Variants in LRIG1 observed in about 807,000 individuals in gnomAD.
LRIG1 encodes leucine rich repeats and immunoglobulin like domains 1, also known as leucine-rich repeats and immunoglobulin-like domains protein 1.
LRIG1 carries 48 observed loss-of-function variants against 99.2 expected under a neutral mutation model. That is an observed-to-expected ratio of 0.48 (90% CI 0.38 to 0.62). The LOEUF (loss-of-function observed/expected upper bound fraction) is 0.62. Ranked by LOEUF, LRIG1 falls within the 20% of genes least tolerant of loss-of-function variation. The pLI, the probability that LRIG1 is intolerant of heterozygous loss-of-function variation, is 0.00. For synonymous variants in LRIG1, 772 were observed against 596.1 expected, an observed-to-expected ratio of 1.29 and a Z score of -4.30; for missense variants, 1,646 against 1,434.4, an observed-to-expected ratio of 1.15 and a Z score of -2.38.
Position 66,380,687 on chromosome 3 carries a change from C to A in LRIG1, c.2945G>T (p.Arg982Met). ...QEHSPHHQCSRTAAGSCPECQ... is the reference protein window; with the variant it reads ...QEHSPHHQCSMTAAGSCPECQ... ...CTCGGGGCAGGACCCAGCGGCAGTC[C>A]TGCTGCACTGGTGATGTGGAGAATG... Residue 982 changes from arginine (R) to methionine (M), a missense_variant, in exon 18 of 19, where the codon AGG becomes ATG. Coordinates refer to ENST00000273261, the MANE Select transcript of LRIG1 (RefSeq NM_015541.3). 1 of 1,614,218 alleles carries A rather than the reference C, an allele frequency of 6.2e-7. No individual in the cohort carries two copies.
intron 1 of LRIG1, among the ~76,000 whole-genome samples, chr3:66,474,713 C>T (rs1375153354): frequency 6.6e-6 from 1 of 152,166 alleles, no homozygotes; most frequent in African/African-American, 2.4e-5. Flanking sequence ...AACCATCCCA[C>T]TCCCATTTGC....
At chr3:66,425,442 C>T (rs1205748070) in intron 3 of LRIG1, among the ~76,000 whole-genome samples, 1 of 152,194 alleles carries the variant, frequency 6.6e-6, no homozygotes, top group South Asian at 2.1e-4. Context: ...CAAGTTTTTA[C>T]TTTGAATGTT....
At chr3:66,403,038 G>A (rs961687422) in intron 9 of LRIG1, among the ~76,000 whole-genome samples, 8 of 152,096 alleles carry the variant, frequency 5.3e-5, no homozygotes, top group African/African-American at 1.7e-4. Context: ...TTACTTCTCC[G>A]GTTCCCTTTC....
chr3:66,383,361 T>C lies in LRIG1; in HGVS notation c.2112A>G (p.Val704=), dbSNP rs377536698. 5 of 1,579,544 alleles carry C rather than the reference T, an allele frequency of 3.2e-6. No individual in the cohort carries two copies. The East Asian group carries it at 9.0e-5, about 29-fold the overall frequency. ...GGAGGGCCACTGTTTCTCCCACAGA[T>C]ACCACACGGTCTTCCAAGGGGACCA... ...SLVVPLEDRV[V]SVGETVALQC... is the part of the protein sequence containing the mutation. The change falls in exon 15 of 19, where the codon GTA becomes GTG. Residue 704 remains valine, a synonymous_variant. Transcript: ENST00000273261.
At chr3:66,382,671 T>C (rs1241903519) in intron 15 of LRIG1, among the ~76,000 whole-genome samples, 2 of 152,224 alleles carry the variant, frequency 1.3e-5, no homozygotes, top group African/African-American at 2.4e-5. Flanking sequence ...AGTACCGCAC[T>C]GTTTCAGGAA....
At chr3:66,398,920 AGCC>A in intron 10 of LRIG1, 47 bp downstream of exon 10, 2 of 1,502,232 alleles carry the variant, frequency 1.3e-6, no homozygotes, top group South Asian at 1.1e-5. Context: ...ACTCCCCGGC[AGCC>A]GCATTCAGCA....
chr3:66,465,577 G>T (rs1482144687), intron 1 of LRIG1, among the ~76,000 whole-genome samples: 1 of 151,698 alleles, frequency 6.6e-6, no homozygotes, highest in Non-Finnish European at 1.5e-5. Context: ...TGTTGGCCAG[G>T]CTGGTTTCAA....
At chr3:66,479,353 G>C (rs149198726) in intron 1 of LRIG1, among the ~76,000 whole-genome samples, 36 of 152,320 alleles carry the variant, frequency 2.4e-4, no homozygotes, top group African/African-American at 7.9e-4. Flanking sequence ...AGCGTCTGTA[G>C]TCTGGATTCA....
At chr3:66,490,215 G>A (rs1393124123) in intron 1 of LRIG1, among the ~76,000 whole-genome samples, 1 of 152,188 alleles carries the variant, frequency 6.6e-6, no homozygotes, top group African/African-American at 2.4e-5. Context: ...AAAACAATCA[G>A]AGGAATTTGG....
intron 8 of LRIG1, 112 bp from the exon 9 acceptor site, chr3:66,405,390 G>T: frequency 2.4e-6 from 2 of 823,714 alleles, no homozygotes; most frequent in Non-Finnish European, 4.1e-6. Flanking sequence ...ATGCACCCTG[G>T]AGGCACAGCC....
chr3:66,409,807 T>A (rs1702405941), intron 7 of LRIG1: 1 of 243,804 alleles, frequency 4.1e-6, no homozygotes, highest in Non-Finnish European at 8.0e-6. Context: ...TAGCTGCCCT[T>A]CCCCAGGAAC....
intron 9 of LRIG1, chr3:66,404,503 A>C (rs1481015101): frequency 1.0e-6 from 1 of 971,894 alleles, no homozygotes. Context: ...AGGGGAAGGG[A>C]ACGTGGGCTT....
intron 3 of LRIG1, among the ~76,000 whole-genome samples, chr3:66,435,102 G>T (rs1487952536): frequency 1.3e-5 from 2 of 152,134 alleles, no homozygotes; most frequent in Admixed American, 6.5e-5. Context: ...ATACAACTCT[G>T]TGATTAAAAA....
chr3:66,379,851 A>G lies in LRIG1; in HGVS notation c.*412T>C. Reference sequence around the variant, plus strand: ...CCGCACCAAAAACTCCTGTGAACAAATGTGGTTGTAGCCTCTATAAATTCC... The same window carrying G: ...CCGCACCAAAAACTCCTGTGAACAAGTGTGGTTGTAGCCTCTATAAATTCC... On this transcript the variant is annotated 3_prime_UTR_variant, in exon 19 of 19. Transcript: ENST00000273261. 6.0e-6 allele frequency: 1 copy of G among 167,952 alleles called. No individual in the cohort carries two copies. The allele number at this position is 167,952 out of a possible 1,614,324, so 10.4% of individuals were successfully genotyped here. A position where few individuals can be genotyped will look rare whatever the true frequency, so the allele number is the denominator to read the frequency against.
intron 3 of LRIG1, among the ~76,000 whole-genome samples, chr3:66,422,684 T>C (rs1299529747): frequency 1.3e-5 from 2 of 152,238 alleles, no homozygotes; most frequent in African/African-American, 4.8e-5. Context: ...CTGCCTGTTA[T>C]CCAGTTCCAA....
chr3:66,434,787 T>C (rs1575688683), intron 3 of LRIG1, among the ~76,000 whole-genome samples: 1 of 144,670 alleles, frequency 6.9e-6, no homozygotes, highest in African/African-American at 2.6e-5. Flanking sequence ...CACCACCAAA[T>C]GCTGGCCATA....
intron 13 of LRIG1, 76 bp downstream of exon 13, chr3:66,385,905 C>T (rs1032746690): frequency 7.6e-7 from 1 of 1,319,330 alleles, no homozygotes; most frequent in Admixed American, 1.8e-5. Flanking sequence ...GTCATCTCTA[C>T]ATGGAAAGCT....
intron 3 of LRIG1, among the ~76,000 whole-genome samples, chr3:66,438,130 G>A (rs1703419371): frequency 1.3e-5 from 2 of 152,152 alleles, no homozygotes; most frequent in African/African-American, 4.8e-5. Flanking sequence ...GGGAGCCAAG[G>A]CCTTGGGGAA....
At chr3:66,383,527 G>C (rs1701210806) in intron 14 of LRIG1, 126 bp from the exon 15 acceptor site, 1 of 873,604 alleles carries the variant, frequency 1.1e-6, no homozygotes, top group Non-Finnish European at 1.7e-6. Flanking sequence ...GTCTCAGAGT[G>C]GCAAGCTTTG....
Sources: allele counts gnomAD v4.1 joint callset (sites outside exome capture counted in the v4.1 genomes callset), GRCh38; gene constraint gnomAD v4.1.1; transcripts MANE v1.5; gene names NCBI Gene and HGNC (gene_info 2026-07-23, HGNC 2026-07-21).